The following PXDNL variants were observed in gnomAD, a reference collection of about 807,000 sequenced individuals.
PXDNL encodes the protein probable oxidoreductase PXDNL.
Under a neutral mutation model 150.8 loss-of-function variants are expected in PXDNL, and 145 were observed. The ratio of observed to expected loss-of-function variants is 0.96; its 90% CI spans 0.84 to 1.10. PXDNL has a LOEUF of 1.10. Ranked by LOEUF, PXDNL falls within the 50% of genes least tolerant of loss-of-function variation. The pLI is 0.00. For synonymous variants in PXDNL, 757 were observed against 725.7 expected, an observed-to-expected ratio of 1.04 and a Z score of -0.69; for missense variants, 2,087 against 1,873.9, an observed-to-expected ratio of 1.11 and a Z score of -2.10.
At chr8:51,799,096 A>T (rs973341238) in intron 1 of PXDNL, among the ~76,000 whole-genome samples, 3 of 152,214 alleles carry the variant, frequency 2.0e-5, no homozygotes, top group Non-Finnish European at 4.4e-5. Context: ...AGGGACATGG[A>T]TGGAGCTGGA....
intron 2 of PXDNL, among the ~76,000 whole-genome samples, chr8:51,646,203 G>C (rs1276429407): frequency 6.6e-6 from 1 of 152,158 alleles, no homozygotes; most frequent in Admixed American, 6.5e-5. Context: ...CTTATAAGGA[G>C]AGGAAGAGAC....
intron 17 of PXDNL, among the ~76,000 whole-genome samples, chr8:51,401,229 G>A (rs1182033734): frequency 6.6e-6 from 1 of 152,112 alleles, no homozygotes; most frequent in African/African-American, 2.4e-5. Flanking sequence ...TGGTCTAATT[G>A]TACAATACCC....
chr8:51,586,889 A>G (rs572804192), intron 3 of PXDNL, among the ~76,000 whole-genome samples: 1 of 152,332 alleles, frequency 6.6e-6, no homozygotes, highest in East Asian at 1.9e-4. Context: ...AGAGAATGAT[A>G]ACCATGGCCA....
At chr8:51,607,493 A>G (rs903533861) in intron 2 of PXDNL, among the ~76,000 whole-genome samples, 3 of 152,074 alleles carry the variant, frequency 2.0e-5, no homozygotes, top group Non-Finnish European at 4.4e-5. Flanking sequence ...TGCTAACTGC[A>G]ATTGTTGGGA....
chr8:51,744,221 G>A (rs1455254688), intron 1 of PXDNL, among the ~76,000 whole-genome samples: 2 of 136,042 alleles, frequency 1.5e-5, no homozygotes, highest in Admixed American at 1.6e-4. Flanking sequence ...AGGAAGGAAG[G>A]GAAGAAGAGA....
chr8:51,461,476 A>T (rs945754090), intron 8 of PXDNL, among the ~76,000 whole-genome samples: 10 of 152,210 alleles, frequency 6.6e-5, no homozygotes, highest in African/African-American at 2.4e-4. Flanking sequence ...TAGTCAAAGG[A>T]GCACAGGCTG....
intron 2 of PXDNL, among the ~76,000 whole-genome samples, chr8:51,642,139 A>G (rs1406588127): frequency 6.7e-6 from 1 of 149,528 alleles, no homozygotes; most frequent in East Asian, 2.0e-4. Flanking sequence ...TCTCACTCAT[A>G]GGTGGGAATT....
intron 3 of PXDNL, 81 bp downstream of exon 3, chr8:51,592,546 A>T: frequency 3.7e-6 from 3 of 818,840 alleles, no homozygotes; most frequent in Non-Finnish European, 5.8e-6. Flanking sequence ...GAATTATTTT[A>T]ATTTAAAGTA....
intron 1 of PXDNL, 125 bp from the exon 2 acceptor site, chr8:51,654,885 A>G: frequency 1.4e-6 from 1 of 721,700 alleles, no homozygotes; most frequent in Non-Finnish European, 2.4e-6. Context: ...ACTAAATATA[A>G]TTAAGACAGA....
intron 2 of PXDNL, among the ~76,000 whole-genome samples, chr8:51,644,420 A>ATT (rs1814868265): frequency 1.1e-5 from 1 of 90,048 alleles, no homozygotes; most frequent in Non-Finnish European, 3.0e-5. Flanking sequence ...GTGTGTATAT[A>ATT]TATACACATA....
At chr8:51,587,691 G>T (rs1229340046) in intron 3 of PXDNL, among the ~76,000 whole-genome samples, 4 of 152,278 alleles carry the variant, frequency 2.6e-5, no homozygotes, top group African/African-American at 9.6e-5. Flanking sequence ...TACACATGTT[G>T]TTGAAACAAC....
chr8:51,682,512 G>T (rs371844089), intron 1 of PXDNL, among the ~76,000 whole-genome samples: 12 of 152,248 alleles, frequency 7.9e-5, no homozygotes, highest in African/African-American at 2.9e-4. Flanking sequence ...AGGGCCCTCT[G>T]TTCACACACA....
intron 8 of PXDNL, among the ~76,000 whole-genome samples, chr8:51,470,556 C>T (rs1471753157): frequency 6.6e-6 from 1 of 152,002 alleles, no homozygotes. Flanking sequence ...TGTCCAAGTG[C>T]TATCGTTGAA....
intron 1 of PXDNL, among the ~76,000 whole-genome samples, chr8:51,681,644 G>C (rs1240731172): frequency 2.0e-5 from 3 of 152,210 alleles, no homozygotes; most frequent in African/African-American, 7.2e-5. Flanking sequence ...CCAGCATATG[G>C]CCACGGACAA....
In PXDNL at chr8:51,499,786, T is replaced by C; in HGVS notation, c.381-16A>G. On this transcript the variant is annotated splice_polypyrimidine_tract_variant and intron_variant, in intron 4 of 22. Coordinates refer to ENST00000356297, the MANE Select transcript of PXDNL (RefSeq NM_144651.5). ...ATGAATATACCTGGAAGGCAAAAAA[T>C]CAAGTTGGTTACTCCTTGTGCTGGT... The C allele has an allele frequency of 7.6e-6, 12 of 1,572,490 alleles. No homozygotes were observed. The highest frequency in any genetic ancestry group is 1.1e-5 in the Non-Finnish European group (12 of 1,142,480).
At position 51,483,706 on chromosome 8, in the gene PXDNL, T is replaced by C. The variant is rs1262164148; in HGVS notation, c.461A>G (p.His154Arg). 6 of 1,479,604 alleles carry C rather than the reference T, an allele frequency of 4.1e-6. No homozygotes were observed. The highest frequency in any genetic ancestry group is 2.5e-5 in the East Asian group (1 of 40,500). The allele number at this position is 1,479,604 out of a possible 1,614,324, so 91.7% of individuals were successfully genotyped here. The change falls in exon 6 of 23, where the codon CAT becomes CGT. Residue 154 changes from histidine to arginine, a missense_variant. By Grantham distance (29) the His-to-Arg change is conservative. Transcript: ENST00000356297. ...TGGAATTTTAGATAATTTGTTGTTA[T>C]GCAAAAATCTGAAAAAGAAAAGATA... ...DLLRLERLFL[H>R]NNKLSKIPAG...
At chr8:51,600,373 A>C (rs1350434150) in intron 2 of PXDNL, among the ~76,000 whole-genome samples, 1 of 128,694 alleles carries the variant, frequency 7.8e-6, no homozygotes, top group Non-Finnish European at 1.6e-5. Context: ...TCTTGTATAA[A>C]TTATATCGTT....
intron 14 of PXDNL, among the ~76,000 whole-genome samples, chr8:51,414,177 T>A (rs1250686828): frequency 1.3e-5 from 2 of 151,826 alleles, no homozygotes; most frequent in South Asian, 4.2e-4. Flanking sequence ...TAAGCTTAAG[T>A]CAAGGTGTTA....
intron 4 of PXDNL, among the ~76,000 whole-genome samples, chr8:51,523,943 C>T (rs987544581): frequency 2.0e-5 from 3 of 152,020 alleles, no homozygotes; most frequent in African/African-American, 7.3e-5. Flanking sequence ...TTTAAAGAGA[C>T]CGATGGGGAA....
Sources: allele counts gnomAD v4.1 joint callset (sites outside exome capture counted in the v4.1 genomes callset), GRCh38; gene constraint gnomAD v4.1.1; transcripts MANE v1.5; gene names NCBI Gene and HGNC (gene_info 2026-07-23, HGNC 2026-07-21).